XPO6: variants seen among roughly 807,000 people sequenced by gnomAD.
XPO6 encodes exportin 6, also known as exportin-6.
XPO6 carries 3 observed loss-of-function variants against 130.0 expected under a neutral mutation model. The observed-to-expected ratio is 0.02, with a 90% CI of 0.01 to 0.06. The LOEUF is 0.06. XPO6 is among the 10% of genes least tolerant of loss of function. XPO6 has a pLI of 1.00. For missense variants in XPO6, 970 were observed against 1,393.0 expected (o/e 0.70, Z 4.83); for synonymous variants, 524 against 548.9 (o/e 0.95, Z 0.63).
intron 9 of XPO6, among the ~76,000 whole-genome samples, chr16:28,142,401 C>G (rs922107726): frequency 6.6e-6 from 1 of 152,164 alleles, no homozygotes; most frequent in African/African-American, 2.4e-5. Flanking sequence ...AAATTATAAG[C>G]TGAAGTTGAA....
At chr16:28,199,293 TC>T (rs1324871436) in intron 1 of XPO6, among the ~76,000 whole-genome samples, 3 of 152,196 alleles carry the variant, frequency 2.0e-5, no homozygotes, top group Non-Finnish European at 4.4e-5. Flanking sequence ...TTTATCTTTC[TC>T]TAAAAACAAA....
At chr16:28,102,070 C>G (rs2086666053) in intron 21 of XPO6, 125 bp from the exon 22 acceptor site, 3 of 711,626 alleles carry the variant, frequency 4.2e-6, no homozygotes, top group Non-Finnish European at 7.0e-6. Context: ...GGCCCACCAG[C>G]TCAGACCTCT....
At chr16:28,107,488 C>T (rs2086812000) in intron 18 of XPO6, 34 bp downstream of exon 18, 1 of 1,612,096 alleles carries the variant, frequency 6.2e-7, no homozygotes, top group African/African-American at 1.3e-5. Context: ...TTGTTAGCAC[C>T]ACCCACCAGT....
intron 1 of XPO6, among the ~76,000 whole-genome samples, chr16:28,204,870 T>C (rs998086857): frequency 1.3e-5 from 2 of 152,154 alleles, no homozygotes; most frequent in African/African-American, 4.8e-5. Flanking sequence ...CAACACTGGA[T>C]AAGCAACACT....
At position 28,103,130 on chromosome 16, in the gene XPO6, A is replaced by G. The variant is rs62031341; in HGVS notation, c.2947-1185T>C. Among the ~76,000 whole-genome samples the G allele has an allele frequency of 3.2e-3, 488 of 152,300 alleles. 1 individual carries two copies. The Middle Eastern group carries it at 0.044, about 14-fold the overall frequency. On this transcript the variant is annotated intron_variant, in intron 21 of 23. Transcript: ENST00000304658. ...ATCACAACCAAGACAGGACACTTCC[A>G]TCACCTGGAACGTCCCCTCACACCC...
At chr16:28,119,111 G>A (rs894961083) in intron 14 of XPO6, among the ~76,000 whole-genome samples, 94 of 150,794 alleles carry the variant, frequency 6.2e-4, no homozygotes, top group Non-Finnish European at 1.5e-5. Flanking sequence ...CAACTCCTGG[G>A]CTCAAGCAAT....
At chr16:28,136,341 T>G (rs1052387398) in intron 9 of XPO6, among the ~76,000 whole-genome samples, 1 of 152,188 alleles carries the variant, frequency 6.6e-6, no homozygotes, top group Admixed American at 6.5e-5. Flanking sequence ...TGCCTCAGCC[T>G]CCCGAGTGGC....
chr16:28,211,769 G>A lies in XPO6; in HGVS notation c.-401C>T. 3.2e-6 allele frequency: 1 copy of A among 310,736 alleles called. No homozygotes were observed. The highest frequency in any genetic ancestry group is 5.9e-6 in the Non-Finnish European group (1 of 170,444). The allele number at this position is 310,736 out of a possible 1,614,324, so 19.2% of individuals were successfully genotyped here. A position where few individuals can be genotyped will look rare whatever the true frequency, so the allele number is the denominator to read the frequency against. ...CCCCGGCCCCGAGGCTGAACGGGCG[G>A]AGGCTGACAGGCCTCGACCGCGCGG... On this transcript the variant is annotated 5_prime_UTR_variant, in exon 1 of 24. Coordinates refer to ENST00000304658, the MANE Select transcript of XPO6 (RefSeq NM_015171.4).
At chr16:28,117,864 A>G (rs1411915499) in intron 14 of XPO6, among the ~76,000 whole-genome samples, 1 of 152,224 alleles carries the variant, frequency 6.6e-6, no homozygotes, top group African/African-American at 2.4e-5. Flanking sequence ...ACAGCTTTAT[A>G]AACAGAGCTT....
At chr16:28,181,106 C>G in intron 1 of XPO6, 75 bp from the exon 2 acceptor site, 1 of 1,100,210 alleles carries the variant, frequency 9.1e-7, no homozygotes, top group Non-Finnish European at 1.3e-6. Flanking sequence ...TTCTAGGTCA[C>G]ATTCAACAGC....
chr16:28,098,687 A>C (rs747838807), intron 23 of XPO6, 48 bp from the exon 24 acceptor site: 30 of 1,395,798 alleles, frequency 2.1e-5, no homozygotes, highest in Non-Finnish European at 2.9e-5. Context: ...CAGGTCACCC[A>C]CCCACCAGAC....
chr16:28,198,812 C>T (rs913925048), intron 1 of XPO6, among the ~76,000 whole-genome samples: 4 of 151,982 alleles, frequency 2.6e-5, no homozygotes, highest in Non-Finnish European at 4.4e-5. Context: ...TGCAACTCTT[C>T]CGTAAGTCTT....
At chr16:28,181,782 A>G (rs2043621197) in intron 1 of XPO6, among the ~76,000 whole-genome samples, 1 of 152,148 alleles carries the variant, frequency 6.6e-6, no homozygotes, top group African/African-American at 2.4e-5. Context: ...CTGAGAGCCA[A>G]GCTAACTAGG....
rs151175948 is a variant in XPO6, at chr16:28,113,137, C to T, written c.2005-87G>A. The T allele has an allele frequency of 6.6e-5, 98 of 1,492,116 alleles. 1 individual carries two copies. In the African/African-American group the frequency reaches 1.3e-3, roughly 19 times the overall value. The allele number at this position is 1,492,116 out of a possible 1,614,324, so 92.4% of individuals were successfully genotyped here. A position where few individuals can be genotyped will look rare whatever the true frequency, so the allele number is the denominator to read the frequency against. ...GCTGAGGCAGCCACAAGCTATGTGT[C>T]ATTCTTGGTTTCCAAATTACACCAC... On this transcript the variant is annotated intron_variant, in intron 15 of 23. Coordinates refer to ENST00000304658, the MANE Select transcript of XPO6 (RefSeq NM_015171.4).
intron 15 of XPO6, among the ~76,000 whole-genome samples, chr16:28,115,930 C>T (rs905756601): frequency 1.3e-5 from 2 of 152,230 alleles, no homozygotes; most frequent in Non-Finnish European, 2.9e-5. Flanking sequence ...TCCAACTCTT[C>T]TTCTGTAGCT....
chr16:28,100,999 A>G (rs1190634832), intron 23 of XPO6: 3 of 257,274 alleles, frequency 1.2e-5, no homozygotes, highest in Non-Finnish European at 2.3e-5. Context: ...GCTGGTCTGG[A>G]AAGAGCCCAA....
chr16:28,175,549 A>C (rs898380070), intron 4 of XPO6, among the ~76,000 whole-genome samples: 2 of 152,178 alleles, frequency 1.3e-5, no homozygotes, highest in African/African-American at 4.8e-5. Context: ...CATATTGTTG[A>C]GTAATCACTG....
intron 1 of XPO6, among the ~76,000 whole-genome samples, chr16:28,197,914 TAA>T (rs56896819): frequency 2.3e-3 from 106 of 45,748 alleles, no homozygotes; most frequent in African/African-American, 9.0e-3. Context: ...GAGAGACTCT[TAA>T]AAAAAAAAAA....
intron 1 of XPO6, among the ~76,000 whole-genome samples, chr16:28,183,771 A>G (rs914463711): frequency 1.3e-5 from 2 of 152,212 alleles, no homozygotes; most frequent in African/African-American, 2.4e-5. Flanking sequence ...CTTTGAAACT[A>G]GAGACTCATG....
Sources: allele counts gnomAD v4.1 joint callset (sites outside exome capture counted in the v4.1 genomes callset), GRCh38; gene constraint gnomAD v4.1.1; transcripts MANE v1.5; gene names NCBI Gene and HGNC (gene_info 2026-07-23, HGNC 2026-07-21).